The following CACNA1A variants were observed in gnomAD, a reference collection of about 807,000 sequenced individuals.
CACNA1A encodes calcium voltage-gated channel subunit alpha1 A.
In CACNA1A, 57 loss-of-function variants were observed where a neutral mutation model predicts 262.4. The observed-to-expected ratio is 0.22, with a 90% confidence interval of 0.18 to 0.27. The LOEUF (loss-of-function observed/expected upper bound fraction) is 0.27, where lower values mean the gene tolerates loss of function less well. Among genes scored for constraint, CACNA1A ranks in the 10% least tolerant of loss-of-function variants. The pLI is 1.00. For missense variants in CACNA1A, 2,526 were observed against 3,562.8 expected (o/e 0.71, Z 7.41); for synonymous variants, 1,431 against 1,419.3 (o/e 1.01, Z -0.18).
intron 38 of CACNA1A, among the ~76,000 whole-genome samples, chr19:13,221,360 G>A (rs1600107927): frequency 6.9e-6 from 1 of 145,884 alleles, no homozygotes; most frequent in Non-Finnish European, 1.5e-5. Flanking sequence ...AGCTTCCCAA[G>A]TTGTTGGGAT....
chr19:13,351,069 T>C (rs889402833), intron 6 of CACNA1A, among the ~76,000 whole-genome samples: 20 of 152,166 alleles, frequency 1.3e-4, no homozygotes, highest in Non-Finnish European at 2.6e-4. Flanking sequence ...AATATCCACA[T>C]CCCTGGGGGA....
Position 13,212,791 on chromosome 19 carries a change from C to A in CACNA1A, c.5941-51G>T. ...TGTGGACAAGGGTGGGGTGGTGGGA[C>A]GGTGGTACCCAGAAGGCATTGCGAC... On this transcript the variant is annotated intron_variant, in intron 40 of 46. Transcript: ENST00000360228. This position sits in a 1 kb window ranked among gnomAD's most constrained non-coding sequence, Gnocchi z 5.6. 1 of 900,484 alleles carries A rather than the reference C, an allele frequency of 1.1e-6. No homozygotes were observed. The highest frequency in any genetic ancestry group is 1.7e-6 in the Non-Finnish European group (1 of 602,678). The allele number at this position is 900,484 out of a possible 1,614,324, so 55.8% of individuals were successfully genotyped here.
intron 3 of CACNA1A, among the ~76,000 whole-genome samples, chr19:13,377,373 A>T (rs985357433): frequency 3.6e-5 from 5 of 140,204 alleles, no homozygotes; most frequent in East Asian, 2.1e-4. Context: ...CTAACACAAC[A>T]TTTTTTTTTT....
At chr19:13,240,718 GTGCAGTGAC>G (rs897177123) in intron 31 of CACNA1A, among the ~76,000 whole-genome samples, 7 of 144,942 alleles carry the variant, frequency 4.8e-5, no homozygotes, top group African/African-American at 1.0e-4. Context: ...TAGTGACTGT[GTGCAGTGAC>G]TGCAGTGACT....
At chr19:13,326,043 C>T (rs745986210) in intron 10 of CACNA1A, among the ~76,000 whole-genome samples, 3 of 152,206 alleles carry the variant, frequency 2.0e-5, no homozygotes, top group African/African-American at 4.8e-5. Flanking sequence ...CTGTCAGGCG[C>T]GGTGGCTAAC....
chr19:13,214,603 C>T lies in CACNA1A; in HGVS notation c.5737G>A (p.Ala1913Thr). 1.9e-6 allele frequency: 3 copies of T among 1,613,108 alleles called. No individual in the cohort carries two copies. Among genetic ancestry groups the T allele is most frequent in the Non-Finnish European group, 2.5e-6 (3 of 1,179,430 alleles). The change falls in exon 39 of 47, where the codon GCC becomes ACC. Residue 1913 changes from alanine to threonine, a missense_variant. By Grantham distance (58) the Ala-to-Thr change is moderately conservative. Around this residue, in one of 17 missense-constraint regions of CACNA1A, gnomAD observed 112 missense variants for 197.2 expected, o/e 0.57. Coordinates refer to ENST00000360228, the MANE Select transcript of CACNA1A (RefSeq NM_001127222.2). The surrounding 1 kb of genome is among the most constrained non-coding windows in gnomAD (Gnocchi z 4.1). ...TCAGCGTCCATCTGCTGTTTGTCGG[C>T]TCCTCCTGCAATGGGGGTGTAGACA... is the stretch of plus-strand genomic sequence containing the variant. ...ALDIKIAKGG[A>T]DKQQMDAELR... is the part of the protein sequence containing the mutation.
intron 3 of CACNA1A, among the ~76,000 whole-genome samples, chr19:13,418,912 G>T (rs1352616675): frequency 6.6e-6 from 1 of 151,298 alleles, no homozygotes; most frequent in Non-Finnish European, 1.5e-5. Context: ...TTATTTTTTT[G>T]AGATGGAGTT....
Position 13,224,324 on chromosome 19 carries a change from C to CAA in CACNA1A, c.5731+341_5731+342dup, listed in dbSNP as rs71168690. Reference sequence around the variant, plus strand: ...GGGTGACAGAGGGAAATTGTCACACCAAAAAAAAAAAAATTAGCCGAGTAT... The same window carrying CAA: ...GGGTGACAGAGGGAAATTGTCACACCAAAAAAAAAAAAAAATTAGCCGAGTAT... On this transcript the variant is annotated intron_variant, in intron 38 of 46. Coordinates refer to ENST00000360228, the MANE Select transcript of CACNA1A (RefSeq NM_001127222.2). Among the ~76,000 whole-genome samples, 389 of 143,030 alleles carry CAA rather than the reference C, an allele frequency of 2.7e-3. 1 individual carries two copies. The highest frequency in any genetic ancestry group is 3.3e-3 in the African/African-American group (127 of 38,758). 93.8% of individuals were successfully genotyped at this position (143,030 alleles called of 152,430 possible).
chr19:13,261,154 G>T, intron 26 of CACNA1A: 1 of 304,728 alleles, frequency 3.3e-6, no homozygotes, highest in South Asian at 9.7e-5. Flanking sequence ...AAACACATCT[G>T]CCTGTAACGA....
intron 22 of CACNA1A, among the ~76,000 whole-genome samples, chr19:13,280,679 G>A (rs903966860): frequency 3.3e-5 from 5 of 152,058 alleles, no homozygotes; most frequent in South Asian, 2.1e-4. Context: ...GGTGGCTCAC[G>A]CCTGTAATCC....
Position 13,207,402 on chromosome 19 carries a change from G to A in CACNA1A, c.7432C>T (p.Pro2478Ser). ...HGRRLPNGYY[P>S]AHGLARPRGP... ...CGGGGCCTGGCCAGTCCGTGCGCCG[G>A]GTAGTAGCCGTTGGGGAGTCGCCGG... The change falls in exon 47 of 47, where the codon CCG becomes TCG. Residue 2478 changes from proline (P) to serine (S), a missense_variant. Pro to Ser is a moderately conservative substitution (Grantham distance 74). Transcript: ENST00000360228. This position sits in a 1 kb window ranked among gnomAD's most constrained non-coding sequence, Gnocchi z 5.7. 2.0e-6 allele frequency: 3 copies of A among 1,536,456 alleles called. No individual in the cohort carries two copies. The highest frequency in any genetic ancestry group is 2.6e-6 in the Non-Finnish European group (3 of 1,147,010).
intron 1 of CACNA1A, among the ~76,000 whole-genome samples, chr19:13,468,326 GTC>G (rs2061291441): frequency 6.6e-6 from 1 of 151,960 alleles, no homozygotes. Context: ...GTGGTGTGAG[GTC>G]TCTGTCTCCT....
At chr19:13,225,810 A>G (rs1395912521) in intron 37 of CACNA1A, 1 of 152,190 alleles carries the variant, frequency 6.6e-6, no homozygotes, top group Non-Finnish European at 1.5e-5. Context: ...CACCGCACAA[A>G]GGGCTCCCAT....
intron 31 of CACNA1A, 46 bp from the exon 32 acceptor site, chr19:13,235,776 G>C (rs772119328): frequency 5.0e-6 from 7 of 1,408,090 alleles, no homozygotes; most frequent in Admixed American, 3.4e-5. Context: ...CACCCCAAAA[G>C]GCTCAGAGCT....
intron 22 of CACNA1A, among the ~76,000 whole-genome samples, chr19:13,279,715 C>T (rs553709674): frequency 6.6e-6 from 1 of 152,216 alleles, no homozygotes; most frequent in Non-Finnish European, 1.5e-5. Flanking sequence ...GAACTCCTGA[C>T]CTCACGTGAT....
intron 1 of CACNA1A, among the ~76,000 whole-genome samples, chr19:13,474,832 G>T: frequency 6.9e-6 from 1 of 145,784 alleles, no homozygotes; most frequent in Admixed American, 6.9e-5. Context: ...AAAAAAAAAT[G>T]CAATGAGTTA....
Position 13,227,771 on chromosome 19 carries a change from G to A in CACNA1A, c.5529-244C>T, listed in dbSNP as rs562652041. 15 of 264,338 alleles carry A rather than the reference G, an allele frequency of 5.7e-5. No individual in the cohort carries two copies. The East Asian group carries it at 7.1e-4, about 13-fold the overall frequency. The allele number at this position is 264,338 out of a possible 1,614,324, so 16.4% of individuals were successfully genotyped here. On this transcript the variant is annotated intron_variant, in intron 36 of 46. Coordinates refer to ENST00000360228, the MANE Select transcript of CACNA1A (RefSeq NM_001127222.2). Reference sequence around the variant, plus strand: ...GTAAAAAAAGATTACTTCACTGCTCGGGAGCAGGGAGAGAGAGAGAAAAGA... The same window carrying A: ...GTAAAAAAAGATTACTTCACTGCTCAGGAGCAGGGAGAGAGAGAGAAAAGA...
In CACNA1A at chr19:13,283,267, G is replaced by A. The variant is rs201230929; in HGVS notation, c.3822C>T (p.Asn1274=). The change falls in exon 22 of 47, where the codon AAC becomes AAT. Residue 1274 remains asparagine (N), a splice_region_variant and synonymous_variant. Coordinates refer to ENST00000360228, the MANE Select transcript of CACNA1A (RefSeq NM_001127222.2). ...AAGGGGTGTGCTCTGTGGGACTCAC[G>A]TTGTTCCGAGGTGCGTTGGGCTGCA... ...DPVQPNAPRN[N]VLRYFDYVFT... 76 of 1,613,638 alleles carry A rather than the reference G, an allele frequency of 4.7e-5. No individual in the cohort carries two copies. In the African/African-American group the frequency reaches 7.7e-4, roughly 16 times the overall value.
intron 3 of CACNA1A, among the ~76,000 whole-genome samples, chr19:13,386,522 C>T (rs932889437): frequency 7.9e-5 from 12 of 152,176 alleles, no homozygotes; most frequent in African/African-American, 2.9e-4. Flanking sequence ...GGCACAGTGG[C>T]TCACGCCTGT....
Sources: gnomAD v4.1 joint callset for allele counts (sites outside exome capture counted in the v4.1 genomes callset) on GRCh38, gnomAD v4.1.1 for gene constraint, gnomAD v4.1.1 regional missense constraint, Gnocchi (gnomAD v3.1) non-coding constraint, MANE v1.5 for transcripts, NCBI Gene and HGNC (gene_info 2026-07-23, HGNC 2026-07-21) for gene names.